Variants in RIMS1 observed in about 807,000 individuals in gnomAD.
RIMS1 encodes regulating synaptic membrane exocytosis protein 1.
A neutral mutation model predicts 214.1 loss-of-function variants in RIMS1; 83 were observed. That is an observed-to-expected ratio of 0.39 (90% CI 0.32 to 0.47). RIMS1 has a LOEUF of 0.47. Among genes scored for constraint, RIMS1 ranks in the 20% least tolerant of loss-of-function variants. The probability of loss-of-function intolerance (pLI) is 0.99; values close to 1 mark genes in which losing one functional copy is unlikely to be tolerated. For missense variants in RIMS1, 2,050 were observed against 2,161.8 expected (o/e 0.95, Z 1.03); for synonymous variants, 793 against 786.8 (o/e 1.01, Z -0.13).
At chr6:72,318,553 G>C (rs1468254949) in intron 28 of RIMS1, among the ~76,000 whole-genome samples, 1 of 152,038 alleles carries the variant, frequency 6.6e-6, no homozygotes, top group Non-Finnish European at 1.5e-5. Context: ...CTTATTGCAT[G>C]TTATTTTTTT....
At chr6:72,178,774 C>T (rs1408820096) in intron 4 of RIMS1, among the ~76,000 whole-genome samples, 2 of 152,126 alleles carry the variant, frequency 1.3e-5, no homozygotes, top group Non-Finnish European at 2.9e-5. Context: ...TTATTACATT[C>T]ATTTTAAAGG....
intron 6 of RIMS1, among the ~76,000 whole-genome samples, chr6:72,219,104 C>T (rs1438154009): frequency 6.6e-6 from 1 of 152,148 alleles, no homozygotes; most frequent in African/African-American, 2.4e-5. Context: ...AATATATATT[C>T]TCCCCTATCC....
rs1043493112 is a variant in RIMS1 at position 71,953,510 on chromosome 6, G to A, written c.165-15473G>A. Among the ~76,000 whole-genome samples the A allele has an allele frequency of 3.3e-5, 5 of 152,104 alleles. No individual in the cohort carries two copies. The East Asian group carries it at 9.6e-4, about 29-fold the overall frequency. ...TTTGAACAATACTTTAAGCAGGGGG[G>A]AAAAAGCATTAAGTGTAGAGAAGTA... On this transcript the variant is annotated intron_variant, in intron 1 of 33. Coordinates refer to ENST00000521978, the MANE Select transcript of RIMS1 (RefSeq NM_014989.7).
At chr6:72,316,760 C>T in intron 28 of RIMS1, 1 of 682,018 alleles carries the variant, frequency 1.5e-6, no homozygotes, top group Admixed American at 1.8e-5. Context: ...AGGCCACTCC[C>T]TAGTAGGCAG....
Position 72,353,052 on chromosome 6 carries a change from G to A in RIMS1, c.4366+19217G>A, listed in dbSNP as rs1342657127. 4.2e-5 allele frequency among the ~76,000 whole-genome samples: 6 copies of A among 142,858 alleles called. No homozygotes were observed. In the South Asian group the frequency reaches 6.8e-4, roughly 16 times the overall value. 93.7% of individuals were successfully genotyped at this position (142,858 alleles called of 152,430 possible). A position where few individuals can be genotyped will look rare whatever the true frequency, so the allele number is the denominator to read the frequency against. On this transcript the variant is annotated intron_variant, in intron 29 of 33. Transcript: ENST00000521978. ...GTTGCCCAGGCTGGAGTGCAATGGC[G>A]AGATCTCGGCTCACTGCAACTTCCG... is the stretch of plus-strand genomic sequence containing the variant.
At chr6:72,288,053 A>G (rs944986585) in intron 24 of RIMS1, among the ~76,000 whole-genome samples, 26 of 152,146 alleles carry the variant, frequency 1.7e-4, no homozygotes, top group African/African-American at 5.8e-4. Context: ...GATTCATGGT[A>G]CATCCTGAGA....
intron 16 of RIMS1, among the ~76,000 whole-genome samples, chr6:72,256,145 A>G (rs575237665): frequency 6.6e-6 from 1 of 152,148 alleles, no homozygotes; most frequent in East Asian, 1.9e-4. Flanking sequence ...AAGCAACTAT[A>G]AATGTAAAAA....
At chr6:72,039,148 G>A (rs1242509815) in intron 2 of RIMS1, among the ~76,000 whole-genome samples, 1 of 86,676 alleles carries the variant, frequency 1.2e-5, no homozygotes, top group East Asian at 2.8e-4. Flanking sequence ...CATTCATTAA[G>A]GGCTTTCCAA....
At chr6:72,235,149 T>G (rs2063514721) in intron 7 of RIMS1, among the ~76,000 whole-genome samples, 1 of 152,082 alleles carries the variant, frequency 6.6e-6, no homozygotes, top group Non-Finnish European at 1.5e-5. Flanking sequence ...TGTATAGTGA[T>G]CACATCAGGG....
intron 6 of RIMS1, among the ~76,000 whole-genome samples, chr6:72,224,227 G>A (rs2059503724): frequency 6.6e-6 from 1 of 152,180 alleles, no homozygotes; most frequent in African/African-American, 2.4e-5. Context: ...TTGTTTGATG[G>A]TGGGAATTAA....
At position 72,240,696 on chromosome 6, in the gene RIMS1, TA is replaced by T. The variant is rs562971904; in HGVS notation, c.1958-1616del. Among the ~76,000 whole-genome samples the T allele has an allele frequency of 1.7e-3, 245 of 144,332 alleles. 2 individuals carry two copies. Among genetic ancestry groups the T allele is most frequent in the Middle Eastern group, 3.9e-3 (1 of 256 alleles). The allele number at this position is 144,332 out of a possible 152,430, so 94.7% of individuals were successfully genotyped here. ...TGCCTATTTGAAAAGCTTTTCTAGG[TA>T]ACAGCTTAGGGCAGTCTATTAGAAT... On this transcript the variant is annotated intron_variant, in intron 9 of 33. Transcript: ENST00000521978.
In RIMS1 at chr6:72,390,760, A is replaced by C. The variant is rs145288166; in HGVS notation, c.4505+24A>C. 1.4e-4 allele frequency: 225 copies of C among 1,611,706 alleles called. 1 individual carries two copies. The East Asian group carries it at 4.9e-3, about 35-fold the overall frequency. ...AAGTAAGTGCTGTCAGCACGTCTGC[A>C]TGGCTGTGGAACCAGGAATTGTGTA... On this transcript the variant is annotated intron_variant, in intron 30 of 33. Coordinates refer to ENST00000521978, the MANE Select transcript of RIMS1 (RefSeq NM_014989.7).
rs1585601430 is a variant in RIMS1, at chr6:72,046,275, T to C, written c.246-50674T>C. 2.6e-5 allele frequency among the ~76,000 whole-genome samples: 4 copies of C among 152,130 alleles called. No homozygotes were observed. In the East Asian group the frequency reaches 5.8e-4, roughly 22 times the overall value. On this transcript the variant is annotated intron_variant, in intron 2 of 33. Coordinates refer to ENST00000521978, the MANE Select transcript of RIMS1 (RefSeq NM_014989.7). ...CTGCCTGGTGCTGTTCTCATATCCA[T>C]CATTGTGTGTGTGTGGAAAGGGGTT... is the stretch of plus-strand genomic sequence containing the variant.
At position 72,251,095 on chromosome 6, in the gene RIMS1, G is replaced by A; in HGVS notation, c.2544+3G>A. 6.4e-7 allele frequency: 1 copy of A among 1,574,648 alleles called. No individual in the cohort carries two copies. ...AAGAAAGTGAATTTCTTGGAGAGGTGATGTATATTTTAAAAACTCAAGTCA... is the reference window on the plus strand; with the variant it reads ...AAGAAAGTGAATTTCTTGGAGAGGTAATGTATATTTTAAAAACTCAAGTCA... On this transcript the variant is annotated splice_donor_region_variant and intron_variant, in intron 14 of 33. Coordinates refer to ENST00000521978, the MANE Select transcript of RIMS1 (RefSeq NM_014989.7).
intron 1 of RIMS1, among the ~76,000 whole-genome samples, chr6:71,936,290 G>GCA (rs539664038): frequency 6.1e-4 from 75 of 123,120 alleles, no homozygotes; most frequent in African/African-American, 2.3e-3. Flanking sequence ...TCGCGCCACT[G>GCA]CACTCCAGCC....
chr6:72,065,653 CTTTA>C (rs955313728), intron 2 of RIMS1, among the ~76,000 whole-genome samples: 5 of 151,828 alleles, frequency 3.3e-5, no homozygotes, highest in African/African-American at 7.3e-5. Flanking sequence ...AAGGTTTTGC[CTTTA>C]TTTATCTCAA....
chr6:72,381,732 A>C (rs977022019), intron 29 of RIMS1, among the ~76,000 whole-genome samples: 1 of 152,246 alleles, frequency 6.6e-6, no homozygotes, highest in African/African-American at 2.4e-5. Context: ...GAGTGATTTA[A>C]GTAGATCTGA....
intron 4 of RIMS1, among the ~76,000 whole-genome samples, chr6:72,136,999 TATA>T (rs1208689942): frequency 1.3e-5 from 2 of 152,026 alleles, no homozygotes; most frequent in African/African-American, 4.8e-5. Context: ...TTTTAGTTAA[TATA>T]ATAAGGCAAT....
intron 4 of RIMS1, among the ~76,000 whole-genome samples, chr6:72,134,381 AT>A (rs1378929452): frequency 6.6e-6 from 1 of 151,992 alleles, no homozygotes; most frequent in Non-Finnish European, 1.5e-5. Context: ...TTATATCTTT[AT>A]TCTTACAACA....
Sources: gnomAD v4.1 joint callset for allele counts (sites outside exome capture counted in the v4.1 genomes callset) on GRCh38, gnomAD v4.1.1 for gene constraint, MANE v1.5 for transcripts, NCBI Gene and HGNC (gene_info 2026-07-23, HGNC 2026-07-21) for gene names.